The following TTLL12 variants were observed in gnomAD, a reference collection of about 807,000 sequenced individuals.
TTLL12 encodes the protein tubulin tyrosine ligase like 12.
TTLL12 carries 77 observed loss-of-function variants against 79.6 expected under a neutral mutation model. The ratio of observed to expected loss-of-function variants is 0.97; its 90% CI spans 0.81 to 1.17. TTLL12 has a LOEUF of 1.17. Ranked by LOEUF, TTLL12 falls within the 50% of genes most tolerant of loss-of-function variation. TTLL12 has a pLI of 0.00. For missense variants in TTLL12, 969 were observed against 895.9 expected (o/e 1.08, Z -1.04); for synonymous variants, 437 against 376.1 (o/e 1.16, Z -1.87).
At chr22:43,177,376 AT>A (rs35560890) in intron 5 of TTLL12, among the ~76,000 whole-genome samples, 5,204 of 152,104 alleles carry the variant, frequency 0.034, 200 homozygotes, top group South Asian at 0.095. Flanking sequence ...TTTTTAAAAA[AT>A]TAAAAAAAAA....
At chr22:43,168,665 T>C in intron 13 of TTLL12, 109 bp downstream of exon 13, 2 of 1,455,208 alleles carry the variant, frequency 1.4e-6, no homozygotes, top group Non-Finnish European at 1.9e-6. Context: ...TCCTGGCTGA[T>C]TCAAGCCAGA....
Position 43,174,489 on chromosome 22 carries a change from G to T in TTLL12, c.1034+10C>A. On this transcript the variant is annotated intron_variant, in intron 7 of 13. Transcript: ENST00000216129. ...ACTGGGAGGGCCCCTGCGGCCAGAG[G>T]TGCCCTCACCTGTAGTCCTTGAAGT... 6.3e-7 allele frequency: 1 copy of T among 1,598,482 alleles called. No homozygotes were observed. The highest frequency in any genetic ancestry group is 1.7e-5 in the Admixed American group (1 of 59,172).
In TTLL12 at chr22:43,176,060, G is replaced by A. The variant is rs369722794; in HGVS notation, c.917+260C>T. Among the ~76,000 whole-genome samples, 24 of 151,370 alleles carry A rather than the reference G, an allele frequency of 1.6e-4. No homozygotes were observed. In the East Asian group the frequency reaches 4.3e-3, roughly 27 times the overall value. Reference sequence around the variant, plus strand: ...AGATCGTGCCACTGCACTCCAGCCTGGGTGACAGAGACAGACTCTGTCTCA... The same window carrying A: ...AGATCGTGCCACTGCACTCCAGCCTAGGTGACAGAGACAGACTCTGTCTCA... On this transcript the variant is annotated intron_variant, in intron 6 of 13. Coordinates refer to ENST00000216129, the MANE Select transcript of TTLL12 (RefSeq NM_015140.4).
chr22:43,179,740 C>T lies in TTLL12; in HGVS notation c.719G>A (p.Arg240Gln), dbSNP rs759732112. 2.6e-6 allele frequency: 4 copies of T among 1,563,206 alleles called. No individual in the cohort carries two copies. Among genetic ancestry groups the T allele is most frequent in the Admixed American group, 1.9e-5 (1 of 51,778 alleles). The change falls in exon 5 of 14, where the codon CGA becomes CAA. Residue 240 changes from arginine to glutamine, a missense_variant. Coordinates refer to ENST00000216129, the MANE Select transcript of TTLL12 (RefSeq NM_015140.4). ...GTCCGTCTCTCCGTAGGCAAAGTCT[C>T]GGGTCACCTCCTCTGTGCCAAGACA... ...RDLDTGEEVT[R>Q]DFAYGETDPL...
At chr22:43,185,780 G>C (rs1022522709) in intron 1 of TTLL12, among the ~76,000 whole-genome samples, 2 of 152,218 alleles carry the variant, frequency 1.3e-5, no homozygotes, top group African/African-American at 4.8e-5. Context: ...GGCAGGAGCT[G>C]GTCATTCCCA....
intron 2 of TTLL12, among the ~76,000 whole-genome samples, chr22:43,182,372 C>T (rs1932080666): frequency 6.6e-6 from 1 of 152,202 alleles, no homozygotes; most frequent in South Asian, 2.1e-4. Flanking sequence ...GCAGAAGAGA[C>T]CAGACCCCTG....
At chr22:43,185,267 A>C (rs1458370151) in intron 1 of TTLL12, among the ~76,000 whole-genome samples, 169 of 14,616 alleles carry the variant, frequency 0.012, 41 homozygotes, top group Non-Finnish European at 0.033. Flanking sequence ...ATATATATAT[A>C]TATATATATA....
At chr22:43,174,670 T>G in intron 6 of TTLL12, 55 bp from the exon 7 acceptor site, 1 of 1,301,608 alleles carries the variant, frequency 7.7e-7, no homozygotes, top group Middle Eastern at 2.0e-4. Context: ...CAAGCGGGAC[T>G]CCAGCACTAG....
intron 6 of TTLL12, chr22:43,175,730 C>T (rs1160642631): frequency 6.6e-6 from 1 of 151,114 alleles, no homozygotes; most frequent in Non-Finnish European, 1.5e-5. Flanking sequence ...GTGCAGTGGC[C>T]CGATCTCAGT....
At chr22:43,174,071 GCC>G (rs1303157651) in intron 8 of TTLL12, 136 bp downstream of exon 8, 15 of 1,219,660 alleles carry the variant, frequency 1.2e-5, no homozygotes, top group Non-Finnish European at 1.6e-5. Flanking sequence ...CGTGAAGACG[GCC>G]GTGACGTTCG....
At chr22:43,184,993 G>A (rs1213359081) in intron 1 of TTLL12, among the ~76,000 whole-genome samples, 1 of 152,040 alleles carries the variant, frequency 6.6e-6, no homozygotes, top group Admixed American at 6.5e-5. Flanking sequence ...ACTTCGGGAG[G>A]CCAAAGCGGG....
chr22:43,182,392 C>T (rs1932081116), intron 2 of TTLL12, among the ~76,000 whole-genome samples: 1 of 152,224 alleles, frequency 6.6e-6, no homozygotes, highest in African/African-American at 2.4e-5. Flanking sequence ...GCCCAAAGAG[C>T]TGTGCGTGGA....
chr22:43,176,561 C>T (rs1931918653), intron 5 of TTLL12, among the ~76,000 whole-genome samples, 165 bp from the exon 6 acceptor site: 1 of 151,950 alleles, frequency 6.6e-6, no homozygotes, highest in South Asian at 2.1e-4. Context: ...AAAATCCCCA[C>T]TCTACTAAGA....
rs146960427 is a variant in TTLL12 at position 43,179,660 on chromosome 22, G to A, written c.799C>T (p.Leu267Phe). 612 of 1,583,396 alleles carry A rather than the reference G, an allele frequency of 3.9e-4. No homozygotes were observed. The highest frequency in any genetic ancestry group is 4.9e-4 in the Non-Finnish European group (567 of 1,165,278). ...GGCGGCTCGGGTGTGCAAGAGCTGAGGTCCAGCATGTCGGTGGGGGCCCAG... is the reference window on the plus strand; with the variant it reads ...GGCGGCTCGGGTGTGCAAGAGCTGAAGTCCAGCATGTCGGTGGGGGCCCAG... ...LPWAPTDMLD[L>F]SSCTPEPPAE... The change falls in exon 5 of 14, where the codon CTC becomes TTC. Residue 267 changes from leucine to phenylalanine, a missense_variant. By Grantham distance (22) the Leu-to-Phe change is conservative. Coordinates refer to ENST00000216129, the MANE Select transcript of TTLL12 (RefSeq NM_015140.4).
At chr22:43,176,228 A>G (rs1420325895) in intron 6 of TTLL12, 92 bp downstream of exon 6, 17 of 963,100 alleles carry the variant, frequency 1.8e-5, no homozygotes. Flanking sequence ...GCCACGTGCC[A>G]AGCACTGTTC....
chr22:43,178,800 C>T (rs1488704611), intron 5 of TTLL12, among the ~76,000 whole-genome samples: 1 of 152,238 alleles, frequency 6.6e-6, no homozygotes, highest in East Asian at 1.9e-4. Context: ...ATGACTTAAC[C>T]TCTCTGTGTC....
chr22:43,177,834 T>TACTG (rs1176643778), intron 5 of TTLL12, among the ~76,000 whole-genome samples: 8 of 152,198 alleles, frequency 5.3e-5, no homozygotes, highest in African/African-American at 1.9e-4. Flanking sequence ...AATAAATGTT[T>TACTG]ACTGTTTTAA....
At chr22:43,183,985 G>A (rs1932121373) in intron 1 of TTLL12, among the ~76,000 whole-genome samples, 1 of 152,240 alleles carries the variant, frequency 6.6e-6, no homozygotes, top group Non-Finnish European at 1.5e-5. Flanking sequence ...CCCTCTGAGG[G>A]CTACTGGGAG....
intron 1 of TTLL12, among the ~76,000 whole-genome samples, chr22:43,184,481 T>C (rs966789173): frequency 6.6e-6 from 1 of 152,092 alleles, no homozygotes; most frequent in Non-Finnish European, 1.5e-5. Context: ...GATTTAAACA[T>C]GAGGCTACGG....
Sources: gnomAD v4.1 joint callset for allele counts (sites outside exome capture counted in the v4.1 genomes callset) on GRCh38, gnomAD v4.1.1 for gene constraint, MANE v1.5 for transcripts, NCBI Gene and HGNC (gene_info 2026-07-23, HGNC 2026-07-21) for gene names.